ZNF410: variants seen among roughly 807,000 people sequenced by gnomAD.
ZNF410 encodes another partner for ARF 1.
A neutral mutation model predicts 54.8 loss-of-function variants in ZNF410; 18 were observed. The observed-to-expected ratio is 0.33, with a 90% CI of 0.23 to 0.49. The LOEUF (loss-of-function observed/expected upper bound fraction) is 0.49, where lower values mean the gene tolerates loss of function less well. Among genes scored for constraint, ZNF410 ranks in the 20% least tolerant of loss-of-function variants. The pLI is 0.99. For synonymous variants in ZNF410, 191 were observed against 207.3 expected (o/e 0.92, Z 0.68); for missense variants, 405 against 569.6 (o/e 0.71, Z 2.94).
intron 11 of ZNF410, among the ~76,000 whole-genome samples, chr14:73,928,513 G>A (rs1346323145): frequency 6.6e-6 from 1 of 152,196 alleles, no homozygotes; most frequent in Non-Finnish European, 1.5e-5. Context: ...TCAGATTTGT[G>A]TATTCAGAAT....
intron 11 of ZNF410, among the ~76,000 whole-genome samples, chr14:73,923,940 A>G (rs548616630): frequency 1.3e-5 from 2 of 152,266 alleles, no homozygotes; most frequent in East Asian, 1.9e-4. Context: ...AGGAGCAAGT[A>G]TTTCCTAGAG....
At chr14:73,909,607 T>TGG (rs34227581) in intron 8 of ZNF410, 177 bp downstream of exon 8, 18,847 of 435,316 alleles carry the variant, frequency 0.043, 743 homozygotes, top group Admixed American at 0.11. Flanking sequence ...TAATCAAGGT[T>TGG]GGGGGGGGGA....
chr14:73,888,281 T>G (rs184031513), intron 1 of ZNF410: 1 of 152,206 alleles, frequency 6.6e-6, no homozygotes, highest in Non-Finnish European at 1.5e-5. Context: ...AGGTTTGAGA[T>G]GCTGTTGGAT....
At chr14:73,890,178 CATTT>C (rs2055206027) in intron 1 of ZNF410, among the ~76,000 whole-genome samples, 1 of 150,182 alleles carries the variant, frequency 6.7e-6, no homozygotes, top group Non-Finnish European at 1.5e-5. Flanking sequence ...GACAAAAAAA[CATTT>C]ATTCAGTTAC....
Position 73,923,512 on chromosome 14 carries a change from A to G in ZNF410, c.1388A>G (p.Asn463Ser). The part of the protein sequence containing the change: ...SYEVSVLTAV[N>S]PQELLNQGDL... ...GAAGTTTCTGTCTTAACTGCAGTAA[A>G]TCCACAAGAGGTAAAGTGGTCTCTT... Residue 463 changes from asparagine to serine, a missense_variant, in exon 11 of 12, where the codon AAT becomes AGT. Around this residue, in one of 3 missense-constraint regions of ZNF410, gnomAD observed 127 missense variants for 141.3 expected, o/e 0.90. Coordinates refer to ENST00000555044, the MANE Select transcript of ZNF410 (RefSeq NM_021188.3). The G allele has an allele frequency of 6.2e-7, 1 of 1,612,802 alleles. No homozygotes were observed.
intron 10 of ZNF410, 117 bp from the exon 11 acceptor site, chr14:73,923,278 A>G: frequency 8.6e-7 from 1 of 1,163,654 alleles, no homozygotes; most frequent in South Asian, 2.0e-5. Flanking sequence ...GAAGAAATAG[A>G]GGAATGTGGG....
At chr14:73,904,751 C>A in intron 6 of ZNF410, 151 bp from the exon 7 acceptor site, 1 of 843,598 alleles carries the variant, frequency 1.2e-6, no homozygotes, top group Non-Finnish European at 1.7e-6. Flanking sequence ...GAGCCACCAC[C>A]CAGCTATAGT....
chr14:73,893,812 G>A lies in ZNF410; in HGVS notation c.49G>A (p.Val17Ile), dbSNP rs748222507. The A allele has an allele frequency of 1.2e-6, 2 of 1,609,372 alleles. No homozygotes were observed. The highest frequency in any genetic ancestry group is 4.5e-5 in the East Asian group (2 of 44,844). Residue 17 changes from valine (V) to isoleucine (I), a missense_variant, in exon 3 of 12, where the codon GTT becomes ATT. Around this residue, in one of 3 missense-constraint regions of ZNF410, gnomAD observed 247 missense variants for 342.8 expected, o/e 0.72. Coordinates refer to ENST00000555044, the MANE Select transcript of ZNF410 (RefSeq NM_021188.3). ...CTCCCCCCAGCTCCTGGTACAGTTTGTTCAGAATACGTCCATCCCATTGGG... is the reference window on the plus strand; with the variant it reads ...CTCCCCCCAGCTCCTGGTACAGTTTATTCAGAATACGTCCATCCCATTGGG... ...ESKPELLVQF[V>I]QNTSIPLGQG...
intron 7 of ZNF410, among the ~76,000 whole-genome samples, chr14:73,905,985 A>ATC: frequency 6.8e-6 from 1 of 147,812 alleles, no homozygotes; most frequent in African/African-American, 2.5e-5. Context: ...ATATATATAT[A>ATC]TATATATATA....
intron 1 of ZNF410, 23 bp from the exon 2 acceptor site, chr14:73,892,000 CCTCT>C (rs140665239): frequency 1.4e-6 from 1 of 734,876 alleles, no homozygotes; most frequent in Admixed American, 2.0e-5. Context: ...CTTAATGCCC[CCTCT>C]CTCTTTTTTA....
chr14:73,920,669 CTA>C (rs1362153326), intron 8 of ZNF410: 4 of 266,410 alleles, frequency 1.5e-5, no homozygotes, highest in Non-Finnish European at 2.9e-5. Flanking sequence ...CCATGGAAGA[CTA>C]ACTGAAAAAG....
At chr14:73,899,875 A>C (rs1441457943) in intron 5 of ZNF410, among the ~76,000 whole-genome samples, 2 of 152,164 alleles carry the variant, frequency 1.3e-5, no homozygotes, top group Admixed American at 1.3e-4. Context: ...CTATCTTAAC[A>C]ACTACTTTGT....
At chr14:73,925,703 C>T (rs1261634744) in intron 11 of ZNF410, among the ~76,000 whole-genome samples, 1 of 152,128 alleles carries the variant, frequency 6.6e-6, no homozygotes, top group Non-Finnish European at 1.5e-5. Context: ...GCTGGGATTA[C>T]AGGTGTGAGC....
intron 8 of ZNF410, among the ~76,000 whole-genome samples, chr14:73,919,893 T>G (rs1325106511): frequency 2.1e-5 from 3 of 139,850 alleles, no homozygotes; most frequent in East Asian, 2.0e-4. Flanking sequence ...TAGGTTTTTT[T>G]TTTTTTTTTT....
chr14:73,909,218 A>C, intron 7 of ZNF410, 123 bp from the exon 8 acceptor site: 1 of 789,262 alleles, frequency 1.3e-6, no homozygotes, highest in South Asian at 1.8e-5. Flanking sequence ...TGAAATTATA[A>C]CATGAATTAA....
chr14:73,921,289 A>G (rs2055751121), intron 9 of ZNF410, 184 bp downstream of exon 9: 1 of 606,594 alleles, frequency 1.6e-6, no homozygotes, highest in African/African-American at 1.9e-5. Flanking sequence ...ACCTTTTAAA[A>G]TTTATATACT....
intron 1 of ZNF410, among the ~76,000 whole-genome samples, chr14:73,890,387 C>T (rs1457241370): frequency 6.6e-6 from 1 of 151,052 alleles, no homozygotes; most frequent in Non-Finnish European, 1.5e-5. Context: ...GGGGTTTCGC[C>T]ATATTGGCCA....
intron 1 of ZNF410, among the ~76,000 whole-genome samples, chr14:73,890,290 G>A (rs1023148410): frequency 6.6e-6 from 1 of 151,750 alleles, no homozygotes; most frequent in Non-Finnish European, 1.5e-5. Context: ...TCGGGTTCAA[G>A]CGATTCTCCT....
chr14:73,922,594 C>T (rs2055772091), intron 10 of ZNF410: 1 of 154,552 alleles, frequency 6.5e-6, no homozygotes, highest in East Asian at 1.9e-4. Flanking sequence ...GCCATATCTT[C>T]TGGAGAAAAG....
Sources: gnomAD v4.1 joint callset for allele counts (sites outside exome capture counted in the v4.1 genomes callset) on GRCh38, gnomAD v4.1.1 for gene constraint, gnomAD v4.1.1 regional missense constraint, MANE v1.5 for transcripts, NCBI Gene and HGNC (gene_info 2026-07-23, HGNC 2026-07-21) for gene names.